TFDP2: variants seen among roughly 807,000 people sequenced by gnomAD.
TFDP2 encodes the protein transcription factor Dp-2.
TFDP2 carries 17 observed loss-of-function variants against 59.3 expected under a neutral mutation model. The observed-to-expected ratio is 0.29, with a 90% CI of 0.20 to 0.43. The LOEUF is 0.43. Among genes scored for constraint, TFDP2 ranks in the 20% least tolerant of loss-of-function variants. TFDP2 has a pLI of 1.00. For synonymous variants in TFDP2, 180 were observed against 194.7 expected (o/e 0.92, Z 0.63); for missense variants, 391 against 528.8 (o/e 0.74, Z 2.56).
At chr3:142,138,386 T>C (rs2062815219) in intron 1 of TFDP2, among the ~76,000 whole-genome samples, 1 of 152,202 alleles carries the variant, frequency 6.6e-6, no homozygotes, top group Non-Finnish European at 1.5e-5. Context: ...TCTGCTCTGA[T>C]CTTAGTTATT....
At chr3:141,961,875 C>A (rs1031474646) in intron 10 of TFDP2, among the ~76,000 whole-genome samples, 3 of 152,150 alleles carry the variant, frequency 2.0e-5, no homozygotes, top group African/African-American at 7.2e-5. Context: ...GAGTTTGAGG[C>A]TGCAGTGAGC....
At chr3:142,081,869 G>C (rs1255377459) in intron 3 of TFDP2, among the ~76,000 whole-genome samples, 1 of 152,126 alleles carries the variant, frequency 6.6e-6, no homozygotes, top group East Asian at 1.9e-4. Context: ...CCCAGCACCT[G>C]ACAACTTCAC....
intron 9 of TFDP2, among the ~76,000 whole-genome samples, chr3:141,967,277 G>C (rs1938240852): frequency 6.6e-6 from 1 of 150,766 alleles, no homozygotes; most frequent in Non-Finnish European, 1.5e-5. Context: ...TGAAATGCTA[G>C]GAGGAAATAA....
chr3:142,027,408 A>G (rs1222581615), intron 3 of TFDP2, among the ~76,000 whole-genome samples: 1 of 152,124 alleles, frequency 6.6e-6, no homozygotes, highest in East Asian at 1.9e-4. Flanking sequence ...ATTGTAACAG[A>G]AGAAACATCT....
intron 3 of TFDP2, among the ~76,000 whole-genome samples, chr3:142,015,975 T>C (rs1414119610): frequency 1.3e-5 from 2 of 152,156 alleles, no homozygotes; most frequent in African/African-American, 2.4e-5. Flanking sequence ...TGACTAATAA[T>C]GTTTATATTG....
rs555405694 is a variant in TFDP2 at position 142,087,749 on chromosome 3, C to G, written c.82+5312G>C. ...ACTGCTGAGCTCAAGCAATCCACCCCCCTTGGCCTCCCAAAGTGTTGGGAT... is the reference window on the plus strand; with the variant it reads ...ACTGCTGAGCTCAAGCAATCCACCCGCCTTGGCCTCCCAAAGTGTTGGGAT... On this transcript the variant is annotated intron_variant, in intron 3 of 12. Coordinates refer to ENST00000489671, the MANE Select transcript of TFDP2 (RefSeq NM_001178139.2). Among the ~76,000 whole-genome samples the G allele has an allele frequency of 1.3e-3, 205 of 152,122 alleles. 1 individual carries two copies. The highest frequency in any genetic ancestry group is 2.6e-3 in the Non-Finnish European group (176 of 68,010).
chr3:142,018,838 A>G (rs1374372995), intron 3 of TFDP2, among the ~76,000 whole-genome samples: 1 of 151,664 alleles, frequency 6.6e-6, no homozygotes, highest in Non-Finnish European at 1.5e-5. Context: ...ATATATTGTT[A>G]TGAGTATGGC....
chr3:141,993,397 G>A (rs926096735), intron 6 of TFDP2, 141 bp downstream of exon 6: 1 of 524,234 alleles, frequency 1.9e-6, no homozygotes, highest in African/African-American at 2.0e-5. Context: ...GGCACTCAAT[G>A]CAGAATGAAA....
intron 4 of TFDP2, among the ~76,000 whole-genome samples, chr3:142,001,265 C>T (rs1222317170): frequency 6.6e-6 from 1 of 152,224 alleles, no homozygotes; most frequent in East Asian, 1.9e-4. Context: ...AGGTTCACCA[C>T]CTGTGCCCTC....
Position 141,945,716 on chromosome 3 carries a change from G to C in TFDP2, c.*6797C>G, listed in dbSNP as rs1382747844. 1 of 152,248 alleles carries C rather than the reference G, an allele frequency of 6.6e-6. No individual in the cohort carries two copies. The highest frequency in any genetic ancestry group is 2.1e-4 in the South Asian group (1 of 4,832). 9.4% of individuals were successfully genotyped at this position (152,248 alleles called of 1,614,324 possible). A position where few individuals can be genotyped will look rare whatever the true frequency, so the allele number is the denominator to read the frequency against. On this transcript the variant is annotated 3_prime_UTR_variant, in exon 13 of 13. Coordinates refer to ENST00000489671, the MANE Select transcript of TFDP2 (RefSeq NM_001178139.2). ...GGCCCCAGTGTGAACAAGCACAATC[G>C]CCAGGCCATGTGACATGAAGCTCGG... is the stretch of plus-strand genomic sequence containing the variant.
At chr3:141,965,608 A>G (rs1264836803) in intron 9 of TFDP2, among the ~76,000 whole-genome samples, 1 of 151,294 alleles carries the variant, frequency 6.6e-6, no homozygotes, top group African/African-American at 2.4e-5. Flanking sequence ...AAAGGAAAGG[A>G]AAGGAAAGGA....
At chr3:142,116,436 G>A (rs576985317) in intron 1 of TFDP2, among the ~76,000 whole-genome samples, 1 of 152,260 alleles carries the variant, frequency 6.6e-6, no homozygotes, top group Non-Finnish European at 1.5e-5. Context: ...CCTAGACAGA[G>A]GCAGAGATTG....
intron 7 of TFDP2, 30 bp from the exon 8 acceptor site, chr3:141,974,221 A>T: frequency 1.9e-6 from 3 of 1,577,848 alleles, no homozygotes; most frequent in East Asian, 2.3e-5. Flanking sequence ...CTGAGTGATA[A>T]ATCTTAAGGG....
chr3:141,987,506 C>T (rs1471081195), intron 6 of TFDP2, among the ~76,000 whole-genome samples: 1 of 149,324 alleles, frequency 6.7e-6, no homozygotes, highest in Non-Finnish European at 1.5e-5. Context: ...TGGTGTCGAA[C>T]TCCTGAGCTC....
chr3:141,960,481 A>T (rs903929058), intron 10 of TFDP2, among the ~76,000 whole-genome samples: 5 of 152,158 alleles, frequency 3.3e-5, no homozygotes, highest in African/African-American at 9.7e-5. Context: ...GAGGCAAAAG[A>T]AGGAAGACAC....
chr3:142,111,555 A>C (rs146778831), intron 1 of TFDP2, among the ~76,000 whole-genome samples: 5 of 152,138 alleles, frequency 3.3e-5, no homozygotes, highest in African/African-American at 4.8e-5. Context: ...AAGAAAAAAA[A>C]ACACACAAAC....
intron 6 of TFDP2, among the ~76,000 whole-genome samples, chr3:141,992,109 G>GA (rs960214489): frequency 8.1e-5 from 11 of 135,518 alleles, no homozygotes; most frequent in African/African-American, 2.7e-4. Context: ...AAAGAAAGAA[G>GA]AAAAAAAAAG....
chr3:142,108,572 ACAGT>A (rs552700504), intron 1 of TFDP2, among the ~76,000 whole-genome samples: 12 of 152,144 alleles, frequency 7.9e-5, no homozygotes, highest in Admixed American at 2.6e-4. Flanking sequence ...TTTCAACTTG[ACAGT>A]TGTAAATTTC....
intron 3 of TFDP2, among the ~76,000 whole-genome samples, chr3:142,085,164 G>A (rs891844119): frequency 3.9e-5 from 6 of 152,090 alleles, no homozygotes; most frequent in African/African-American, 1.4e-4. Flanking sequence ...CAAGTGATCC[G>A]CCTGCCTCCC....
Sources: gnomAD v4.1 joint callset for allele counts (sites outside exome capture counted in the v4.1 genomes callset) on GRCh38, gnomAD v4.1.1 for gene constraint, MANE v1.5 for transcripts, NCBI Gene and HGNC (gene_info 2026-07-23, HGNC 2026-07-21) for gene names.